The following GRIA3 variants were observed in gnomAD, a reference collection of about 807,000 sequenced individuals.
GRIA3 encodes the protein glutamate receptor 3.
Under a neutral mutation model 63.0 loss-of-function variants are expected in GRIA3, and 3 were observed. The ratio of observed to expected loss-of-function variants is 0.05; its 90% CI spans 0.02 to 0.12. The LOEUF (loss-of-function observed/expected upper bound fraction) is 0.12. Among genes scored for constraint, GRIA3 ranks in the 10% least tolerant of loss-of-function variants. The probability of loss-of-function intolerance (pLI) is 1.00; values close to 1 mark genes in which losing one functional copy is unlikely to be tolerated. For synonymous variants in GRIA3, 274 were observed against 257.9 expected (o/e 1.06, Z -0.60); for missense variants, 347 against 700.9 (o/e 0.50, Z 5.70).
At chrX:123,253,735 C>G (rs1387245392) in intron 3 of GRIA3, 193 bp downstream of exon 3, 3 of 432,210 alleles carry the variant, frequency 6.9e-6, no homozygotes, top group Non-Finnish European at 7.8e-6. Context: ...ATTTTTCAAG[C>G]TATGTAGGCC....
chrX:123,224,795 T>C (rs760361961), intron 2 of GRIA3, among the ~76,000 whole-genome samples: 2 of 112,108 alleles, frequency 1.8e-5, no homozygotes, highest in South Asian at 7.4e-4. Flanking sequence ...ATCATTTAAA[T>C]ATTTAAATGT....
intron 12 of GRIA3, among the ~76,000 whole-genome samples, chrX:123,448,660 G>A (rs1488626057): frequency 1.8e-5 from 2 of 111,994 alleles, no homozygotes; most frequent in Non-Finnish European, 3.8e-5. Context: ...GGTAGCACTA[G>A]CCACATTTCA....
intron 3 of GRIA3, among the ~76,000 whole-genome samples, chrX:123,284,676 T>A (rs1363525186): frequency 2.7e-5 from 3 of 110,346 alleles, no homozygotes; most frequent in Non-Finnish European, 5.7e-5. Context: ...CTTAATGAAA[T>A]AAAGCGTGAA....
chrX:123,439,356 A>G (rs1197333459), intron 12 of GRIA3, among the ~76,000 whole-genome samples: 1 of 111,905 alleles, frequency 8.9e-6, no homozygotes, highest in Non-Finnish European at 1.9e-5. Flanking sequence ...AGCTGCCCTC[A>G]AAACTGATCT....
chrX:123,439,618 A>G (rs1375249900), intron 12 of GRIA3, among the ~76,000 whole-genome samples: 1 of 110,043 alleles, frequency 9.1e-6, no homozygotes, highest in African/African-American at 3.3e-5. Context: ...TACAAATAAA[A>G]CTTACATATC....
At chrX:123,285,406 C>G (rs1412298105) in intron 3 of GRIA3, among the ~76,000 whole-genome samples, 1 of 109,428 alleles carries the variant, frequency 9.1e-6, no homozygotes, top group Non-Finnish European at 1.9e-5. Flanking sequence ...AACAATATTA[C>G]CCTTAAATGT....
In GRIA3 at chrX:123,260,491, A is replaced by G. The variant is rs189078369; in HGVS notation, c.508+6949A>G. 1.7e-3 allele frequency among the ~76,000 whole-genome samples: 13 copies of G among 7,826 alleles called. 1 individual carries two copies. Among genetic ancestry groups the G allele is most frequent in the African/African-American group, 2.7e-3 (9 of 3,331 alleles). 6.8% of individuals were successfully genotyped at this position (7,826 alleles called of 115,157 possible). On this transcript the variant is annotated intron_variant, in intron 3 of 15. Transcript: ENST00000620443. ...AAGAAGAAAGGAAAGAAAGAAAGAA[A>G]GAAAGAAAGAAAGAAAGAAAGAAAG... is the stretch of plus-strand genomic sequence containing the variant.
chrX:123,279,018 T>G (rs1218729972), intron 3 of GRIA3, among the ~76,000 whole-genome samples: 1 of 111,872 alleles, frequency 8.9e-6, no homozygotes, highest in East Asian at 2.8e-4. Context: ...TTGGGTAGTA[T>G]GGATATTTTA....
intron 12 of GRIA3, among the ~76,000 whole-genome samples, chrX:123,438,843 G>C (rs1001998840): frequency 8.9e-6 from 1 of 112,666 alleles, no homozygotes; most frequent in Admixed American, 9.4e-5. Flanking sequence ...AAATAAAATA[G>C]ATGAGGGCAT....
chrX:123,337,212 C>T (rs1272382049), intron 4 of GRIA3, among the ~76,000 whole-genome samples: 2 of 111,585 alleles, frequency 1.8e-5, no homozygotes, highest in Non-Finnish European at 3.8e-5. Context: ...CTATGATCAC[C>T]ATAAAGGTTT....
chrX:123,326,629 A>T (rs189507354), intron 4 of GRIA3, among the ~76,000 whole-genome samples: 1 of 111,382 alleles, frequency 9.0e-6, no homozygotes, highest in Admixed American at 9.5e-5. Flanking sequence ...TCATTGCTGG[A>T]ATATGTACTA....
chrX:123,294,853 C>T (rs937962305), intron 3 of GRIA3, among the ~76,000 whole-genome samples: 1 of 111,689 alleles, frequency 9.0e-6, no homozygotes, highest in Non-Finnish European at 1.9e-5. Context: ...ATTCCTTCTT[C>T]CACAAGTGTA....
intron 12 of GRIA3, among the ~76,000 whole-genome samples, chrX:123,444,942 A>C (rs1443683560): frequency 1.8e-5 from 2 of 111,023 alleles, no homozygotes; most frequent in Non-Finnish European, 3.8e-5. Context: ...GAATACAGGC[A>C]CCGGGGTGGC....
intron 5 of GRIA3, among the ~76,000 whole-genome samples, chrX:123,363,484 G>C (rs1387015803): frequency 8.9e-6 from 1 of 112,400 alleles, no homozygotes; most frequent in East Asian, 2.8e-4. Flanking sequence ...AACAAAGATG[G>C]GATAATACCA....
At chrX:123,364,478 G>A (rs2045197973) in intron 5 of GRIA3, among the ~76,000 whole-genome samples, 1 of 112,228 alleles carries the variant, frequency 8.9e-6, no homozygotes, top group East Asian at 2.8e-4. Flanking sequence ...GAAAATGTTA[G>A]CAAGGATGCA....
At chrX:123,244,723 T>A (rs760495256) in intron 2 of GRIA3, among the ~76,000 whole-genome samples, 1 of 112,050 alleles carries the variant, frequency 8.9e-6, no homozygotes, top group South Asian at 3.8e-4. Flanking sequence ...GCCCATGGCA[T>A]TTAGAGGGTA....
chrX:123,191,267 C>CT (rs1927427006), intron 2 of GRIA3, among the ~76,000 whole-genome samples: 2 of 112,579 alleles, frequency 1.8e-5, no homozygotes, highest in Admixed American at 1.9e-4. Context: ...GGCTTTGTTA[C>CT]TTTGGGTCTT....
intron 12 of GRIA3, among the ~76,000 whole-genome samples, chrX:123,463,606 G>A (rs181004010): frequency 3.4e-3 from 69 of 20,011 alleles, no homozygotes; most frequent in Middle Eastern, 0.026. Flanking sequence ...GAGGGAGGGA[G>A]GGAGGGAAAG....
chrX:123,289,436 A>G (rs1439860209), intron 3 of GRIA3, among the ~76,000 whole-genome samples: 1 of 107,256 alleles, frequency 9.3e-6, no homozygotes, highest in Non-Finnish European at 1.9e-5. Context: ...AAATATATAT[A>G]TATATATAAA....
Sources: gnomAD v4.1 joint callset for allele counts (sites outside exome capture counted in the v4.1 genomes callset) on GRCh38, gnomAD v4.1.1 for gene constraint, MANE v1.5 for transcripts, NCBI Gene and HGNC (gene_info 2026-07-23, HGNC 2026-07-21) for gene names.